The following ADAM12 variants were observed in gnomAD, a reference collection of about 807,000 sequenced individuals.
ADAM12 encodes ADAM metallopeptidase domain 12, also known as disintegrin and metalloproteinase domain-containing protein 12.
ADAM12 carries 70 observed loss-of-function variants against 106.4 expected under a neutral mutation model. The observed-to-expected ratio is 0.66, with a 90% CI of 0.54 to 0.80. The LOEUF is 0.80. ADAM12 is among the 30% of genes least tolerant of loss of function. The pLI, the probability that ADAM12 is intolerant of heterozygous loss-of-function variation, is 0.00. For synonymous variants in ADAM12, 420 were observed against 433.5 expected, an observed-to-expected ratio of 0.97 and a Z score of 0.39; for missense variants, 1,010 against 1,171.9, an observed-to-expected ratio of 0.86 and a Z score of 2.02.
At chr10:126,031,653 A>G (rs1953973119) in intron 21 of ADAM12, among the ~76,000 whole-genome samples, 1 of 152,232 alleles carries the variant, frequency 6.6e-6, no homozygotes, top group Non-Finnish European at 1.5e-5. Context: ...TCCCATGGCA[A>G]CTTAAACAAA....
intron 2 of ADAM12, among the ~76,000 whole-genome samples, chr10:126,312,952 A>G (rs747156582): frequency 6.6e-5 from 10 of 152,234 alleles, no homozygotes; most frequent in Non-Finnish European, 1.2e-4. Context: ...TCAGTAATAC[A>G]TTATTACTTA....
chr10:126,037,698 G>A lies in ADAM12; in HGVS notation c.2349+543C>T, dbSNP rs899273308. Among the ~76,000 whole-genome samples, 5 of 152,068 alleles carry A rather than the reference G, an allele frequency of 3.3e-5. No homozygotes were observed. The South Asian group carries it at 6.2e-4, about 19-fold the overall frequency. ...GAGGGTTAAGAGACAGCAGGGAGCCGTGAGGTACTCTGGGTTAAGGATCCA... is the reference window on the plus strand; with the variant it reads ...GAGGGTTAAGAGACAGCAGGGAGCCATGAGGTACTCTGGGTTAAGGATCCA... On this transcript the variant is annotated intron_variant, in intron 20 of 22. Coordinates refer to ENST00000448723, the MANE Select transcript of ADAM12 (RefSeq NM_001288973.2).
chr10:126,233,862 A>C (rs185307714), intron 3 of ADAM12, among the ~76,000 whole-genome samples: 1 of 152,182 alleles, frequency 6.6e-6, no homozygotes. Context: ...TTTACATTGC[A>C]CTTGGTATTT....
intron 8 of ADAM12, among the ~76,000 whole-genome samples, chr10:126,103,862 T>C (rs768870219): frequency 9.9e-5 from 15 of 152,210 alleles, no homozygotes; most frequent in Non-Finnish European, 2.2e-4. Flanking sequence ...GGGCCGGCAG[T>C]GGCAGAGAGA....
intron 5 of ADAM12, among the ~76,000 whole-genome samples, chr10:126,121,973 A>C (rs1590447314): frequency 6.6e-6 from 1 of 152,256 alleles, no homozygotes; most frequent in East Asian, 1.9e-4. Flanking sequence ...GGGCAATGGG[A>C]GAAACAGATC....
At chr10:126,068,682 T>G (rs1333741706) in intron 12 of ADAM12, among the ~76,000 whole-genome samples, 1 of 152,204 alleles carries the variant, frequency 6.6e-6, no homozygotes, top group Non-Finnish European at 1.5e-5. Flanking sequence ...CCAGGATCTA[T>G]TTCTTCTGCA....
At chr10:126,195,392 T>A (rs1478783154) in intron 3 of ADAM12, among the ~76,000 whole-genome samples, 1 of 152,122 alleles carries the variant, frequency 6.6e-6, no homozygotes, top group Non-Finnish European at 1.5e-5. Context: ...TTGGCCAACA[T>A]GGTGAAACCC....
At chr10:126,174,636 T>C (rs1957184104) in intron 3 of ADAM12, among the ~76,000 whole-genome samples, 2 of 152,272 alleles carry the variant, frequency 1.3e-5, no homozygotes, top group Admixed American at 6.5e-5. Context: ...TTTTAGGATA[T>C]TCCATCTCCC....
At chr10:126,181,601 AAGTGTC>A (rs1446142005) in intron 3 of ADAM12, among the ~76,000 whole-genome samples, 1 of 152,178 alleles carries the variant, frequency 6.6e-6, no homozygotes, top group Non-Finnish European at 1.5e-5. Flanking sequence ...CGAGCCTGCT[AAGTGTC>A]AGGTGCCGTC....
At position 126,292,664 on chromosome 10, in the gene ADAM12, T is replaced by C. The variant is rs1463477068; in HGVS notation, c.187-13676A>G. Among the ~76,000 whole-genome samples, 5 of 152,204 alleles carry C rather than the reference T, an allele frequency of 3.3e-5. No homozygotes were observed. In the East Asian group the frequency reaches 9.6e-4, roughly 29 times the overall value. On this transcript the variant is annotated intron_variant, in intron 2 of 22. Transcript: ENST00000448723. ...GAACAGATAATAAATACATTAAGCT[T>C]TGTTAGCCATACAGTCCCTGTCATG... is the stretch of plus-strand genomic sequence containing the variant.
In ADAM12 at chr10:126,043,262, C is replaced by T. The variant is rs994507119; in HGVS notation, c.1996-114G>A. 7 of 971,060 alleles carry T rather than the reference C, an allele frequency of 7.2e-6. No individual in the cohort carries two copies. In the East Asian group the frequency reaches 1.8e-4, roughly 25 times the overall value. 60.2% of individuals were successfully genotyped at this position (971,060 alleles called of 1,614,324 possible). A position where few individuals can be genotyped will look rare whatever the true frequency, so the allele number is the denominator to read the frequency against. ...CCCCCCCAACACTGACACAGCCAGA[C>T]TCAGCACACGCCATGGTGCGAATAA... On this transcript the variant is annotated intron_variant, in intron 17 of 22. Coordinates refer to ENST00000448723, the MANE Select transcript of ADAM12 (RefSeq NM_001288973.2). This position sits in a 1 kb window ranked among gnomAD's most constrained non-coding sequence, Gnocchi z 4.1.
intron 13 of ADAM12, among the ~76,000 whole-genome samples, chr10:126,065,501 T>C (rs1480387408): frequency 6.6e-6 from 1 of 152,142 alleles, no homozygotes; most frequent in African/African-American, 2.4e-5. Flanking sequence ...ACTGGAACTC[T>C]CTCTTTACTG....
At chr10:126,105,480 T>C (rs1205201691) in intron 8 of ADAM12, among the ~76,000 whole-genome samples, 1 of 152,202 alleles carries the variant, frequency 6.6e-6, no homozygotes, top group African/African-American at 2.4e-5. Flanking sequence ...GAGTGGCACC[T>C]GCGCTCCCAG....
chr10:126,208,874 A>G (rs1195836545), intron 3 of ADAM12, among the ~76,000 whole-genome samples: 1 of 141,438 alleles, frequency 7.1e-6, no homozygotes, highest in Non-Finnish European at 1.5e-5. Context: ...TTTTCCTGTT[A>G]CCACCCACAT....
chr10:126,023,633 C>T (rs1156511537), intron 21 of ADAM12, among the ~76,000 whole-genome samples: 1 of 152,164 alleles, frequency 6.6e-6, no homozygotes, highest in African/African-American at 2.4e-5. Flanking sequence ...GAAGTAAATA[C>T]ATACTATAAT....
intron 3 of ADAM12, among the ~76,000 whole-genome samples, chr10:126,266,659 T>C (rs550392714): frequency 2.6e-5 from 4 of 152,256 alleles, no homozygotes; most frequent in African/African-American, 9.6e-5. Flanking sequence ...GAGGTTTAAT[T>C]GGCTCATGGT....
chr10:126,218,579 T>C (rs949872533), intron 3 of ADAM12, among the ~76,000 whole-genome samples: 2 of 152,188 alleles, frequency 1.3e-5, no homozygotes, highest in Non-Finnish European at 2.9e-5. Context: ...ACCTTCATTC[T>C]CTGTGAAAGG....
chr10:126,182,033 C>A (rs1316525851), intron 3 of ADAM12, among the ~76,000 whole-genome samples: 22 of 152,138 alleles, frequency 1.4e-4, no homozygotes, highest in Admixed American at 7.2e-4. Flanking sequence ...ATTAGGGAAA[C>A]AAATAAAAGA....
rs1954543760 is a variant in ADAM12, at chr10:126,053,020, C to A, written c.1610-3351G>T. On this transcript the variant is annotated intron_variant, in intron 14 of 22. Transcript: ENST00000448723. This position sits in a 1 kb window ranked among gnomAD's most constrained non-coding sequence, Gnocchi z 4.6. ...GGCGATTGGATCATGGGGGCAGTTT[C>A]TCTTGAATGGTTTAGCACCATCACC... 2.6e-5 allele frequency among the ~76,000 whole-genome samples: 4 copies of A among 152,150 alleles called. No individual in the cohort carries two copies. In the South Asian group the frequency reaches 8.3e-4, roughly 32 times the overall value.
Sources: allele counts gnomAD v4.1 joint callset (sites outside exome capture counted in the v4.1 genomes callset), GRCh38; gene constraint gnomAD v4.1.1; non-coding constraint Gnocchi (gnomAD v3.1); transcripts MANE v1.5; gene names NCBI Gene and HGNC (gene_info 2026-07-23, HGNC 2026-07-21).